Variants in ZC3H12B observed in about 807,000 individuals in gnomAD.
ZC3H12B encodes the protein zinc finger CCCH-type containing 12B.
In ZC3H12B, 7 loss-of-function variants were observed where a neutral mutation model predicts 43.9. The observed-to-expected ratio is 0.16, with a 90% CI of 0.09 to 0.30. The LOEUF is 0.30. ZC3H12B is among the 10% of genes least tolerant of loss of function. The pLI is 1.00. For synonymous variants in ZC3H12B, 222 were observed against 241.7 expected (o/e 0.92, Z 0.76); for missense variants, 475 against 670.2 (o/e 0.71, Z 3.22).
At chrX:65,275,482 C>A in the ZC3H12B span, among the ~76,000 whole-genome samples, 1 of 113,063 alleles carries the variant, frequency 8.8e-6, no homozygotes, top group Non-Finnish European at 1.9e-5. Context: ...TATCTTCATG[C>A]ATGTATTCCT....
At chrX:65,207,553 G>A in the ZC3H12B span, among the ~76,000 whole-genome samples, 1 of 110,442 alleles carries the variant, frequency 9.1e-6, no homozygotes, top group Non-Finnish European at 1.9e-5. Flanking sequence ...TGGGGTGATG[G>A]GTGCACCAAA....
the ZC3H12B span, among the ~76,000 whole-genome samples, chrX:65,351,236 T>A: frequency 8.9e-6 from 1 of 111,857 alleles, no homozygotes. Context: ...TTTCCCTATT[T>A]AATAAAAGGT....
the ZC3H12B span, among the ~76,000 whole-genome samples, chrX:65,306,423 A>G: frequency 9.0e-6 from 1 of 111,613 alleles, no homozygotes; most frequent in South Asian, 3.7e-4. Context: ...TCCAGTCTGG[A>G]GTGCAGTGGT....
At chrX:65,164,405 AATAATG>A in the ZC3H12B span, among the ~76,000 whole-genome samples, 12 of 111,487 alleles carry the variant, frequency 1.1e-4, no homozygotes, top group Middle Eastern at 4.7e-3. Flanking sequence ...CAGGTTTTAT[AATAATG>A]ATAATATCTA....
chrX:65,158,149 C>T, the ZC3H12B span, among the ~76,000 whole-genome samples: 1 of 109,072 alleles, frequency 9.2e-6, no homozygotes, highest in Non-Finnish European at 1.9e-5. Context: ...ATATGTGCCA[C>T]ATTTTCTTAA....
chrX:65,437,931 GA>G (rs1326732878), intron 3 of ZC3H12B, among the ~76,000 whole-genome samples: 1 of 112,262 alleles, frequency 8.9e-6, no homozygotes, highest in Non-Finnish European at 1.9e-5. Flanking sequence ...CAAGAGATAA[GA>G]GTCTAGTTTC....
chrX:65,331,596 A>G, the ZC3H12B span, among the ~76,000 whole-genome samples: 1 of 104,126 alleles, frequency 9.6e-6, no homozygotes, highest in South Asian at 3.9e-4. Flanking sequence ...TTATTTTTAC[A>G]GTAAAGTGAA....
the ZC3H12B span, among the ~76,000 whole-genome samples, chrX:65,063,451 A>T: frequency 8.9e-6 from 1 of 111,871 alleles, no homozygotes; most frequent in Non-Finnish European, 1.9e-5. Flanking sequence ...TGTTTATGTG[A>T]TGGATTATGT....
chrX:65,069,721 C>T, the ZC3H12B span, among the ~76,000 whole-genome samples: 1 of 111,748 alleles, frequency 8.9e-6, no homozygotes, highest in Non-Finnish European at 1.9e-5. Flanking sequence ...TGATGCTTGT[C>T]CTTAGTTCTT....
At chrX:65,101,624 T>A in the ZC3H12B span, among the ~76,000 whole-genome samples, 1 of 111,769 alleles carries the variant, frequency 8.9e-6, no homozygotes, top group Non-Finnish European at 1.9e-5. Context: ...TCTACACAAA[T>A]AAGCTAGAAA....
the ZC3H12B span, among the ~76,000 whole-genome samples, chrX:65,313,822 C>T: frequency 2.7e-5 from 3 of 111,850 alleles, no homozygotes; most frequent in African/African-American, 9.7e-5. Flanking sequence ...AGTGAAACAA[C>T]AATCAACAGA....
the ZC3H12B span, among the ~76,000 whole-genome samples, chrX:65,136,264 G>T: frequency 1.8e-5 from 2 of 111,556 alleles, no homozygotes; most frequent in Non-Finnish European, 3.8e-5. Context: ...CTGAGCCTCT[G>T]TTGACAGAGG....
the ZC3H12B span, among the ~76,000 whole-genome samples, chrX:65,063,984 G>A: frequency 8.9e-6 from 1 of 111,775 alleles, no homozygotes; most frequent in Non-Finnish European, 1.9e-5. Flanking sequence ...GATTGTATGT[G>A]TGTAGGATCT....
In ZC3H12B at chrX:65,413,130, T is replaced by C. The variant is rs1016266226; in HGVS notation, n.407+14426T>C. On this transcript the variant is annotated intron_variant and non_coding_transcript_variant, in intron 3 of 5. Transcript: ENST00000617377. ...TATTTCAAATCCTTTCCCCATTTTTTTTAAAAAATCGGGCTGTTTGTCCTT... is the reference window on the plus strand; with the variant it reads ...TATTTCAAATCCTTTCCCCATTTTTCTTAAAAAATCGGGCTGTTTGTCCTT... Among the ~76,000 whole-genome samples the C allele has an allele frequency of 2.7e-5, 3 of 111,495 alleles. No individual in the cohort carries two copies. The Admixed American group carries it at 2.9e-4, about 11-fold the overall frequency.
chrX:65,090,153 G>A, the ZC3H12B span, among the ~76,000 whole-genome samples: 2 of 112,289 alleles, frequency 1.8e-5, no homozygotes, highest in African/African-American at 6.5e-5. Flanking sequence ...TGGCAGTACC[G>A]TAGGTTTGTT....
the ZC3H12B span, among the ~76,000 whole-genome samples, chrX:65,079,385 C>T: frequency 8.9e-6 from 1 of 112,167 alleles, no homozygotes; most frequent in Non-Finnish European, 1.9e-5. Context: ...TGAACAGAGG[C>T]AGTAACCAAG....
chrX:65,113,985 G>GTATATATATATATATATATATATATA, the ZC3H12B span, among the ~76,000 whole-genome samples: 3 of 47,483 alleles, frequency 6.3e-5, no homozygotes, highest in Non-Finnish European at 8.6e-5. Context: ...AGATATGCTT[G>GTATATATATATATATATATATATATA]TATATATATA....
the ZC3H12B span, among the ~76,000 whole-genome samples, chrX:65,061,646 T>C: frequency 8.9e-6 from 1 of 112,604 alleles, no homozygotes; most frequent in Non-Finnish European, 1.9e-5. Context: ...TGTGTCTTTA[T>C]AGTAGAATGA....
intron 3 of ZC3H12B, among the ~76,000 whole-genome samples, chrX:65,454,500 G>A: frequency 8.9e-6 from 1 of 112,109 alleles, no homozygotes; most frequent in East Asian, 2.8e-4. Flanking sequence ...ACTGGGTGGA[G>A]CCCACCACAG....
Sources: gnomAD v4.1 joint callset for allele counts (sites outside exome capture counted in the v4.1 genomes callset) on GRCh38, gnomAD v4.1.1 for gene constraint, MANE v1.5 for transcripts, NCBI Gene and HGNC (gene_info 2026-07-23, HGNC 2026-07-21) for gene names.